The following RBFOX1 variants were observed in gnomAD, a reference collection of about 807,000 sequenced individuals.
RBFOX1 encodes RNA binding protein fox-1 homolog 1.
In RBFOX1, 8 loss-of-function variants were observed where a neutral mutation model predicts 57.7. The observed-to-expected ratio is 0.14, with a 90% CI of 0.08 to 0.25. The LOEUF (loss-of-function observed/expected upper bound fraction) is 0.25. Among genes scored for constraint, RBFOX1 ranks in the 10% least tolerant of loss-of-function variants. The pLI is 1.00. For missense variants in RBFOX1, 611 were observed against 548.5 expected, an observed-to-expected ratio of 1.11 and a Z score of -1.14; for synonymous variants, 326 against 222.4, an observed-to-expected ratio of 1.47 and a Z score of -4.15.
chr16:6,918,816 C>T (rs1279536827), intron 3 of RBFOX1, among the ~76,000 whole-genome samples: 3 of 151,924 alleles, frequency 2.0e-5, no homozygotes, highest in African/African-American at 7.3e-5. Flanking sequence ...GAAGCGCACT[C>T]GTTAATAAAC....
chr16:6,852,863 C>T (rs1321991254), intron 3 of RBFOX1, among the ~76,000 whole-genome samples: 1 of 151,954 alleles, frequency 6.6e-6, no homozygotes, highest in South Asian at 2.1e-4. Flanking sequence ...AACTGCTGTC[C>T]AGGTGAGGTG....
intron 3 of RBFOX1, among the ~76,000 whole-genome samples, chr16:5,814,457 C>G (rs2055548888): frequency 6.6e-6 from 1 of 152,224 alleles, no homozygotes; most frequent in Admixed American, 6.5e-5. Flanking sequence ...AATATAGGCT[C>G]TGTGCTGAGC....
intron 5 of RBFOX1, among the ~76,000 whole-genome samples, chr16:7,569,461 T>C (rs971502054): frequency 7.2e-5 from 11 of 152,118 alleles, no homozygotes; most frequent in African/African-American, 2.2e-4. Flanking sequence ...CACTCTGACA[T>C]TGGGGGTTCT....
At chr16:7,116,653 T>A (rs1472666539) in intron 4 of RBFOX1, among the ~76,000 whole-genome samples, 2 of 152,178 alleles carry the variant, frequency 1.3e-5, no homozygotes, top group African/African-American at 4.8e-5. Context: ...ATGCAATTCA[T>A]GTGACTTGGT....
chr16:5,340,548 A>G (rs115662331), intron 1 of RBFOX1, among the ~76,000 whole-genome samples: 2 of 152,182 alleles, frequency 1.3e-5, no homozygotes, highest in Admixed American at 1.3e-4. Context: ...CAGTTAAAGA[A>G]CACATTCATG....
rs549437557 is a variant in RBFOX1 at position 7,205,243 on chromosome 16, C to T, written c.27+153145C>T. On this transcript the variant is annotated intron_variant, in intron 4 of 15. Transcript: ENST00000550418. ...TGAAAATGTATGGAAATGGGCGGGG[C>T]GTGGCGGCTCACACCTGTAATCCCA... Among the ~76,000 whole-genome samples, 6 of 152,048 alleles carry T rather than the reference C, an allele frequency of 3.9e-5. No individual in the cohort carries two copies. The East Asian group carries it at 9.7e-4, about 25-fold the overall frequency.
chr16:5,542,119 C>G (rs182133642), intron 2 of RBFOX1, among the ~76,000 whole-genome samples: 1 of 152,038 alleles, frequency 6.6e-6, no homozygotes, highest in Non-Finnish European at 1.5e-5. Context: ...TGATGGTAGC[C>G]GTCAGGTCCA....
chr16:5,463,611 C>G (rs570179616), intron 1 of RBFOX1, among the ~76,000 whole-genome samples: 1 of 151,920 alleles, frequency 6.6e-6, no homozygotes, highest in South Asian at 2.1e-4. Context: ...ATCAGTCTGG[C>G]CAACGTGGTG....
chr16:6,855,658 A>AC (rs2057720916), intron 3 of RBFOX1, among the ~76,000 whole-genome samples: 1 of 151,574 alleles, frequency 6.6e-6, no homozygotes, highest in African/African-American at 2.4e-5. Flanking sequence ...ATCTCAAAAA[A>AC]AAAAAAAAAA....
intron 2 of RBFOX1, among the ~76,000 whole-genome samples, chr16:6,555,251 C>T (rs1020937991): frequency 2.6e-5 from 4 of 152,212 alleles, no homozygotes; most frequent in Non-Finnish European, 2.9e-5. Flanking sequence ...CAAAGCCTGT[C>T]TCTTTAATTA....
At chr16:7,504,674 T>A (rs980005923) in intron 4 of RBFOX1, among the ~76,000 whole-genome samples, 15 of 134,508 alleles carry the variant, frequency 1.1e-4, no homozygotes, top group Non-Finnish European at 2.2e-4. Flanking sequence ...TGAAAATGAG[T>A]TTATTACTCT....
At chr16:7,333,865 C>T (rs1051692520) in intron 4 of RBFOX1, among the ~76,000 whole-genome samples, 6 of 152,014 alleles carry the variant, frequency 3.9e-5, no homozygotes, top group South Asian at 2.1e-4. Context: ...CATCTACTAG[C>T]GATAGAACCC....
At chr16:6,636,836 A>T (rs1325821030) in intron 2 of RBFOX1, among the ~76,000 whole-genome samples, 21 of 61,290 alleles carry the variant, frequency 3.4e-4, no homozygotes, top group Non-Finnish European at 6.0e-4. Flanking sequence ...TGTTATATAT[A>T]ATATATAATA....
At chr16:7,710,530 TG>T in intron 15 of RBFOX1, 92 bp from the exon 16 acceptor site, 2 of 1,582,676 alleles carry the variant, frequency 1.3e-6, no homozygotes, top group Non-Finnish European at 1.7e-6. Context: ...CGGTTGGTTT[TG>T]AGTGTCTATT....
intron 4 of RBFOX1, among the ~76,000 whole-genome samples, chr16:7,388,213 T>C (rs756587527): frequency 3.9e-5 from 6 of 152,176 alleles, no homozygotes; most frequent in Non-Finnish European, 8.8e-5. Context: ...GGCAGAGTTC[T>C]ACAGACACAC....
At chr16:6,083,219 T>G (rs551108569) in intron 1 of RBFOX1, among the ~76,000 whole-genome samples, 1 of 152,236 alleles carries the variant, frequency 6.6e-6, no homozygotes, top group East Asian at 1.9e-4. Context: ...GCCAAGCTGG[T>G]TTTGAACTCC....
chr16:5,753,562 C>A (rs1343316073), intron 3 of RBFOX1, among the ~76,000 whole-genome samples: 2 of 152,162 alleles, frequency 1.3e-5, no homozygotes, highest in East Asian at 3.9e-4. Flanking sequence ...TGTGCTGCAG[C>A]CAGCTTGTAT....
chr16:5,721,430 C>T lies in RBFOX1; in HGVS notation c.318+122469C>T, dbSNP rs1033528821. On this transcript the variant is annotated intron_variant, in intron 3 of 19. Coordinates refer to the RBFOX1 transcript ENST00000641259. ...TCTGCAAGTAAAGATATTTCTACTTCTTCCTTTCCAAGCCGGATGCCTTTT... is the reference window on the plus strand; with the variant it reads ...TCTGCAAGTAAAGATATTTCTACTTTTTCCTTTCCAAGCCGGATGCCTTTT... Among the ~76,000 whole-genome samples the T allele has an allele frequency of 7.9e-5, 12 of 152,272 alleles. No homozygotes were observed. In the East Asian group the frequency reaches 1.5e-3, roughly 20 times the overall value.
chr16:6,518,789 G>GTCTA (rs200728003), intron 2 of RBFOX1, among the ~76,000 whole-genome samples: 2 of 81,376 alleles, frequency 2.5e-5, no homozygotes, highest in Admixed American at 1.4e-4. Context: ...CTGTCTGTCT[G>GTCTA]TGTGTCTGTC....
Sources: allele counts gnomAD v4.1 joint callset (sites outside exome capture counted in the v4.1 genomes callset), GRCh38; gene constraint gnomAD v4.1.1; transcripts MANE v1.5; gene names NCBI Gene and HGNC (gene_info 2026-07-23, HGNC 2026-07-21).